The following MAPK10 variants were observed in gnomAD, a reference collection of about 807,000 sequenced individuals.
The protein encoded by MAPK10 is mitogen-activated protein kinase 10, also known as JNK3 alpha protein kinase.
A neutral mutation model predicts 59.3 loss-of-function variants in MAPK10; 25 were observed. That is an observed-to-expected ratio of 0.42 (90% CI 0.31 to 0.59). MAPK10 has a LOEUF of 0.59. Ranked by LOEUF, MAPK10 falls within the 20% of genes least tolerant of loss-of-function variation. The pLI is 0.15. For synonymous variants in MAPK10, 190 were observed against 200.5 expected (o/e 0.95, Z 0.44); for missense variants, 351 against 568.9 (o/e 0.62, Z 3.90).
intron 2 of MAPK10, among the ~76,000 whole-genome samples, chr4:86,229,971 G>A (rs867729069): frequency 3.4e-4 from 52 of 152,280 alleles, no homozygotes; most frequent in African/African-American, 1.2e-3. Flanking sequence ...TGAGGCAGGA[G>A]GATTGCTTGA....
At chr4:86,478,466 T>C (rs1414531053) in intron 1 of MAPK10, among the ~76,000 whole-genome samples, 1 of 152,200 alleles carries the variant, frequency 6.6e-6, no homozygotes, top group Admixed American at 6.5e-5. Context: ...CTAATACTTT[T>C]AGAGGCCCTT....
At chr4:86,032,651 G>A (rs1006118818) in intron 11 of MAPK10, 1 of 152,046 alleles carries the variant, frequency 6.6e-6, no homozygotes, top group African/African-American at 2.4e-5. Context: ...CAGCACCCTC[G>A]GGCTAAAGTG....
intron 2 of MAPK10, among the ~76,000 whole-genome samples, chr4:86,279,322 C>T (rs1267083926): frequency 6.6e-6 from 1 of 151,996 alleles, no homozygotes; most frequent in Non-Finnish European, 1.5e-5. Flanking sequence ...AGCCTCTGAT[C>T]ACTTATCTTA....
intron 1 of MAPK10, among the ~76,000 whole-genome samples, chr4:86,564,090 C>A (rs908287663): frequency 6.6e-6 from 1 of 152,164 alleles, no homozygotes; most frequent in East Asian, 1.9e-4. Flanking sequence ...CCTCGGCCTC[C>A]CAAAGTTCTG....
chr4:86,036,024 T>C (rs2040218680), intron 11 of MAPK10, among the ~76,000 whole-genome samples: 1 of 152,178 alleles, frequency 6.6e-6, no homozygotes, highest in Non-Finnish European at 1.5e-5. Flanking sequence ...GTAAGTTCAC[T>C]AAGGCAAAAG....
At chr4:86,021,338 G>C (rs1436429023) in intron 13 of MAPK10, among the ~76,000 whole-genome samples, 1 of 148,996 alleles carries the variant, frequency 6.7e-6, no homozygotes, top group African/African-American at 2.5e-5. Context: ...GCTAGACACA[G>C]AGTGCTGATT....
chr4:86,487,655 TG>T (rs1754111454), intron 1 of MAPK10, among the ~76,000 whole-genome samples: 1 of 148,254 alleles, frequency 6.7e-6, no homozygotes, highest in African/African-American at 2.5e-5. Context: ...GGTGTGAACC[TG>T]GGAGGCAGAG....
intron 1 of MAPK10, among the ~76,000 whole-genome samples, chr4:86,439,373 T>C (rs970053146): frequency 1.3e-5 from 2 of 152,200 alleles, no homozygotes; most frequent in Non-Finnish European, 2.9e-5. Flanking sequence ...ATGTAGCCTG[T>C]TCAGTATTAA....
chr4:86,423,929 G>T (rs1441716969), intron 1 of MAPK10, among the ~76,000 whole-genome samples: 1 of 151,708 alleles, frequency 6.6e-6, no homozygotes, highest in African/African-American at 2.4e-5. Context: ...GTTACTACAA[G>T]ATATAGAGTA....
intron 4 of MAPK10, among the ~76,000 whole-genome samples, chr4:86,149,256 TTTTA>T (rs1300817660): frequency 1.3e-5 from 2 of 152,082 alleles, no homozygotes; most frequent in African/African-American, 4.8e-5. Context: ...TTGGATTGGA[TTTTA>T]TTTGTTTATT....
chr4:86,472,651 C>CA (rs1293546193), intron 1 of MAPK10, among the ~76,000 whole-genome samples: 87 of 143,390 alleles, frequency 6.1e-4, no homozygotes, highest in East Asian at 2.4e-3. Flanking sequence ...ATCCTGTCTC[C>CA]AAAAAAAAAA....
At chr4:86,178,593 G>A (rs886346549) in intron 3 of MAPK10, among the ~76,000 whole-genome samples, 6 of 151,926 alleles carry the variant, frequency 3.9e-5, no homozygotes, top group Non-Finnish European at 7.4e-5. Flanking sequence ...ACTGAATAGG[G>A]AAAACCTTAA....
chr4:86,127,901 A>G (rs997631298), intron 4 of MAPK10, among the ~76,000 whole-genome samples: 5 of 152,108 alleles, frequency 3.3e-5, no homozygotes, highest in Non-Finnish European at 7.4e-5. Context: ...AGGGAAGCCT[A>G]CAATGTAAAG....
At chr4:86,412,287 T>C (rs183122775) in intron 1 of MAPK10, among the ~76,000 whole-genome samples, 18 of 152,362 alleles carry the variant, frequency 1.2e-4, no homozygotes, top group African/African-American at 3.1e-4. Context: ...TCTGATGGAC[T>C]TCCCTTTGTG....
intron 1 of MAPK10, among the ~76,000 whole-genome samples, chr4:86,398,225 AC>A (rs1285577307): frequency 1.4e-4 from 16 of 113,632 alleles, no homozygotes; most frequent in African/African-American, 3.3e-4. Flanking sequence ...AAACAAACAA[AC>A]AAAAAAAAAA....
upstream of MAPK10, among the ~76,000 whole-genome samples, chr4:86,454,922 C>G (rs1438146503): frequency 6.6e-6 from 1 of 152,174 alleles, no homozygotes; most frequent in Non-Finnish European, 1.5e-5. Context: ...ATCAAATTAA[C>G]AGCAGATTTC....
At chr4:86,438,870 T>A (rs1749087075) in intron 1 of MAPK10, among the ~76,000 whole-genome samples, 2 of 152,032 alleles carry the variant, frequency 1.3e-5, no homozygotes, top group African/African-American at 4.8e-5. Context: ...GAAGTTTCAA[T>A]GAGGCCACTG....
At chr4:86,269,657 T>C (rs1259037988) in intron 2 of MAPK10, among the ~76,000 whole-genome samples, 1 of 152,110 alleles carries the variant, frequency 6.6e-6, no homozygotes, top group Non-Finnish European at 1.5e-5. Context: ...GCATTTCCAC[T>C]TCAAATACTG....
chr4:86,210,005 G>A (rs2085333601), intron 2 of MAPK10, among the ~76,000 whole-genome samples: 1 of 152,062 alleles, frequency 6.6e-6, no homozygotes, highest in Admixed American at 6.6e-5. Flanking sequence ...CAACAAAGCT[G>A]CCAAGAACAT....
Sources: allele counts gnomAD v4.1 joint callset (sites outside exome capture counted in the v4.1 genomes callset), GRCh38; gene constraint gnomAD v4.1.1; transcripts MANE v1.5; gene names NCBI Gene and HGNC (gene_info 2026-07-23, HGNC 2026-07-21).